SAMD5: variants seen among roughly 807,000 people sequenced by gnomAD.
SAMD5 encodes the protein sterile alpha motif domain-containing protein 5.
Under a neutral mutation model 11.3 loss-of-function variants are expected in SAMD5, and 13 were observed. The ratio of observed to expected loss-of-function variants is 1.15; its 90% CI spans 0.75 to 1.83. The LOEUF (loss-of-function observed/expected upper bound fraction) is 1.83. SAMD5 is among the 40% of genes most tolerant of loss of function. The pLI is 0.00. For missense variants in SAMD5, 255 were observed against 239.1 expected (o/e 1.07, Z -0.44); for synonymous variants, 129 against 111.3 (o/e 1.16, Z -1.00).
chr6:147,609,646 TC>T (rs1230097588), intron 1 of SAMD5, among the ~76,000 whole-genome samples: 1 of 152,122 alleles, frequency 6.6e-6, no homozygotes, highest in African/African-American at 2.4e-5. Flanking sequence ...AACCTCCGCT[TC>T]CCAGGTTCAA....
At chr6:147,743,489 C>T in the SAMD5 span, among the ~76,000 whole-genome samples, 1 of 149,992 alleles carries the variant, frequency 6.7e-6, no homozygotes, top group East Asian at 2.0e-4. Context: ...GGCAACAGAG[C>T]GAGACTCTGT....
At chr6:147,942,699 C>A in the SAMD5 span, among the ~76,000 whole-genome samples, 1 of 152,188 alleles carries the variant, frequency 6.6e-6, no homozygotes, top group African/African-American at 2.4e-5. Flanking sequence ...CCAAGAGAAT[C>A]CGCAATTAGA....
rs559255679 is a variant in SAMD5 at position 147,598,029 on chromosome 6, T to C, written c.162+88642T>C. Among the ~76,000 whole-genome samples, 234 of 152,288 alleles carry C rather than the reference T, an allele frequency of 1.5e-3. 1 individual carries two copies. The highest frequency in any genetic ancestry group is 2.3e-3 in the Non-Finnish European group (155 of 68,016). On this transcript the variant is annotated intron_variant, in intron 1 of 1. Coordinates refer to the SAMD5 transcript ENST00000566741. ...TGGATCATGCAGGCCCTCCAGGCAT[T>C]ACCACCACACCACTGATGCAGTGGA... is the stretch of plus-strand genomic sequence containing the variant.
At chr6:147,692,840 A>C (rs945983817) in intron 1 of SAMD5, among the ~76,000 whole-genome samples, 6 of 152,202 alleles carry the variant, frequency 3.9e-5, no homozygotes, top group African/African-American at 1.4e-4. Flanking sequence ...CAAAAGTACA[A>C]CTCAAAAAAT....
At chr6:147,643,795 A>AGGAAGGAAGGAAAG (rs1554239609) in intron 1 of SAMD5, among the ~76,000 whole-genome samples, 11 of 147,010 alleles carry the variant, frequency 7.5e-5, no homozygotes, top group South Asian at 2.2e-4. Flanking sequence ...GAAGGAAGGA[A>AGGAAGGAAGGAAAG]AGAGAGAGAG....
chr6:147,703,329 C>T (rs1399198070), intron 1 of SAMD5, among the ~76,000 whole-genome samples: 1 of 152,222 alleles, frequency 6.6e-6, no homozygotes, highest in Non-Finnish European at 1.5e-5. Context: ...ACCTCAGCAT[C>T]CCAAAGTGCT....
the SAMD5 span, among the ~76,000 whole-genome samples, chr6:147,759,295 C>T: frequency 1.3e-5 from 2 of 152,072 alleles, no homozygotes; most frequent in African/African-American, 2.4e-5. Context: ...TACTGTATTG[C>T]GTTACCATCT....
chr6:147,710,709 TATTA>T (rs1250483090), intron 1 of SAMD5, among the ~76,000 whole-genome samples: 1 of 152,220 alleles, frequency 6.6e-6, no homozygotes, highest in Non-Finnish European at 1.5e-5. Flanking sequence ...GTGCCTAAAT[TATTA>T]ATTAAACTTT....
Position 147,567,767 on chromosome 6 carries a change from G to A in SAMD5, c.*3311G>A. 1.0e-6 allele frequency: 1 copy of A among 985,314 alleles called. No individual in the cohort carries two copies. Among genetic ancestry groups the A allele is most frequent in the Non-Finnish European group, 1.2e-6 (1 of 829,912 alleles). The allele number at this position is 985,314 out of a possible 1,614,324, so 61.0% of individuals were successfully genotyped here. On this transcript the variant is annotated 3_prime_UTR_variant, in exon 2 of 2. Coordinates refer to ENST00000367474, the MANE Select transcript of SAMD5 (RefSeq NM_001030060.3). ...TCCTTATCATTGCCTGAAACCCACT[G>A]AATAAGTCCCCTTTGATTTCTCTCA... is the stretch of plus-strand genomic sequence containing the variant.
At chr6:147,732,975 TTCA>T in intron 1 of SAMD5, among the ~76,000 whole-genome samples, 1 of 152,358 alleles carries the variant, frequency 6.6e-6, no homozygotes, top group East Asian at 1.9e-4. Flanking sequence ...TGTTAACTCC[TTCA>T]TTTAAGAAGG....
chr6:147,652,390 A>G (rs1790498462), intron 1 of SAMD5, among the ~76,000 whole-genome samples: 2 of 152,232 alleles, frequency 1.3e-5, no homozygotes, highest in Non-Finnish European at 2.9e-5. Context: ...GCAAAAACAT[A>G]TAGATAAAAG....
At chr6:147,618,516 T>C (rs557289018) in intron 1 of SAMD5, among the ~76,000 whole-genome samples, 3 of 152,224 alleles carry the variant, frequency 2.0e-5, no homozygotes, top group African/African-American at 7.2e-5. Flanking sequence ...GGTGAAGATA[T>C]AGGAGGTCAA....
At chr6:147,920,605 C>T in the SAMD5 span, among the ~76,000 whole-genome samples, 1 of 152,178 alleles carries the variant, frequency 6.6e-6, no homozygotes, top group Non-Finnish European at 1.5e-5. Context: ...CACTATTTAA[C>T]ACCAAATAAT....
chr6:147,954,339 A>G, the SAMD5 span, among the ~76,000 whole-genome samples: 13 of 152,360 alleles, frequency 8.5e-5, no homozygotes, highest in African/African-American at 2.9e-4. Flanking sequence ...CATGGGGTGC[A>G]CAGTGATATT....
At chr6:147,725,167 C>T (rs1238175261) in intron 1 of SAMD5, among the ~76,000 whole-genome samples, 4 of 152,062 alleles carry the variant, frequency 2.6e-5, no homozygotes, top group Admixed American at 6.5e-5. Context: ...ATATAATATC[C>T]GTATCATCTG....
At chr6:147,617,096 G>A (rs1244387750) in intron 1 of SAMD5, among the ~76,000 whole-genome samples, 2 of 152,066 alleles carry the variant, frequency 1.3e-5, no homozygotes, top group African/African-American at 2.4e-5. Context: ...TCTTCTTGTG[G>A]ATCTCTCTTT....
intron 1 of SAMD5, among the ~76,000 whole-genome samples, chr6:147,716,678 C>T (rs1430273887): frequency 6.6e-6 from 1 of 152,236 alleles, no homozygotes; most frequent in Non-Finnish European, 1.5e-5. Flanking sequence ...TCCCACAGTG[C>T]AGCCAGCATC....
chr6:147,526,706 A>G (rs910466208), intron 1 of SAMD5, among the ~76,000 whole-genome samples: 4 of 152,218 alleles, frequency 2.6e-5, no homozygotes, highest in Admixed American at 6.5e-5. Flanking sequence ...AGCTTGCTAT[A>G]AATATTTATT....
At chr6:147,730,893 T>C (rs1377537766) in intron 1 of SAMD5, among the ~76,000 whole-genome samples, 1 of 152,042 alleles carries the variant, frequency 6.6e-6, no homozygotes, top group African/African-American at 2.4e-5. Flanking sequence ...TAAGAGCAGT[T>C]TTAATGGAGG....
Sources: allele counts gnomAD v4.1 joint callset (sites outside exome capture counted in the v4.1 genomes callset), GRCh38; gene constraint gnomAD v4.1.1; transcripts MANE v1.5; gene names NCBI Gene and HGNC (gene_info 2026-07-23, HGNC 2026-07-21).